WAPL: variants seen among roughly 807,000 people sequenced by gnomAD.
The protein encoded by WAPL is WAPL cohesin release factor, also known as wings apart-like protein homolog.
A neutral mutation model predicts 121.0 loss-of-function variants in WAPL; 5 were observed. The ratio of observed to expected loss-of-function variants is 0.04; its 90% CI spans 0.02 to 0.09. The LOEUF (loss-of-function observed/expected upper bound fraction) is 0.09, where lower values mean the gene tolerates loss of function less well. Among genes scored for constraint, WAPL ranks in the 10% least tolerant of loss-of-function variants. The pLI, the probability that WAPL is intolerant of heterozygous loss-of-function variation, is 1.00. For missense variants in WAPL, 999 were observed against 1,410.8 expected (o/e 0.71, Z 4.68); for synonymous variants, 480 against 481.5 (o/e 1.00, Z 0.04).
intron 17 of WAPL, 104 bp downstream of exon 17, chr10:86,443,171 G>T (rs1589489484): frequency 1.2e-6 from 1 of 857,194 alleles, no homozygotes. Context: ...GGACATTAAG[G>T]GGGAAACACT....
chr10:86,510,068 CTTTTT>C (rs11323475), intron 2 of WAPL, among the ~76,000 whole-genome samples: 58 of 57,238 alleles, frequency 1.0e-3, no homozygotes, highest in African/African-American at 3.9e-3. Flanking sequence ...TCCACCCGGC[CTTTTT>C]TTTTTTTTTT....
At chr10:86,455,697 G>GAAAAAAAAAAAAAAAAAAAAAAAAAAAA (rs1220963010) in intron 12 of WAPL, among the ~76,000 whole-genome samples, 4 of 131,334 alleles carry the variant, frequency 3.0e-5, no homozygotes, top group African/African-American at 5.7e-5. Flanking sequence ...AAAAAAAAAA[G>GAAAAAAAAAAAAAAAAAAAAAAAAAAAA]AAAGAAAGAA....
chr10:86,493,606 T>C (rs1422851741), intron 4 of WAPL, among the ~76,000 whole-genome samples: 1 of 152,150 alleles, frequency 6.6e-6, no homozygotes, highest in Non-Finnish European at 1.5e-5. Flanking sequence ...CATAGCTCAC[T>C]GCAGCCTTGA....
intron 4 of WAPL, among the ~76,000 whole-genome samples, chr10:86,487,349 C>A (rs987367246): frequency 5.3e-5 from 8 of 152,156 alleles, no homozygotes; most frequent in African/African-American, 1.9e-4. Flanking sequence ...GCTCAATGAT[C>A]AAAACCTTAC....
At chr10:86,503,917 G>A (rs1310642924) in intron 2 of WAPL, among the ~76,000 whole-genome samples, 1 of 152,130 alleles carries the variant, frequency 6.6e-6, no homozygotes, top group Non-Finnish European at 1.5e-5. Context: ...GGCCTATAAT[G>A]CCGGCTCTTT....
At chr10:86,493,832 C>A (rs1842096884) in intron 4 of WAPL, among the ~76,000 whole-genome samples, 2 of 152,014 alleles carry the variant, frequency 1.3e-5, no homozygotes, top group African/African-American at 4.8e-5. Flanking sequence ...TGAGACCCTC[C>A]CTCTACTAAA....
rs1014291057 is a variant in WAPL at position 86,464,992 on chromosome 10, C to T, written c.2370+2287G>A. 7.9e-5 allele frequency among the ~76,000 whole-genome samples: 12 copies of T among 152,188 alleles called. No individual in the cohort carries two copies. In the East Asian group the frequency reaches 2.1e-3, roughly 27 times the overall value. On this transcript the variant is annotated intron_variant, in intron 9 of 18. Transcript: ENST00000298767. Reference sequence around the variant, plus strand: ...GAATACATGTCAGTTTTGTATCTTGCTGTTTAAAGTTAAATTGCTCTCCCA... The same window carrying T: ...GAATACATGTCAGTTTTGTATCTTGTTGTTTAAAGTTAAATTGCTCTCCCA...
rs2289738 is a variant in WAPL at position 86,521,587 on chromosome 10, C to G, written c.-245G>C. The G allele has an allele frequency of 0.31, 134,897 of 440,134 alleles. 23,106 individuals carry two copies. Among genetic ancestry groups the G allele is most frequent in the South Asian group, 0.45 (26,972 of 60,520 alleles). The allele number at this position is 440,134 out of a possible 1,614,324, so 27.3% of individuals were successfully genotyped here. A position where few individuals can be genotyped will look rare whatever the true frequency, so the allele number is the denominator to read the frequency against. On this transcript the variant is annotated 5_prime_UTR_variant, in exon 1 of 19. Coordinates refer to ENST00000298767, the MANE Select transcript of WAPL (RefSeq NM_015045.5). ...CCGCCTCGAGCGCCGCCGGCCGGGC[C>G]CAGGCCTAGCTCTCGCTGGCCGCCA...
intron 4 of WAPL, among the ~76,000 whole-genome samples, chr10:86,482,709 C>A (rs530846090): frequency 2.2e-4 from 33 of 152,046 alleles, no homozygotes; most frequent in Non-Finnish European, 3.7e-4. Flanking sequence ...CAAATTTAGG[C>A]CCCAAATAAT....
At chr10:86,509,765 GTTTT>G (rs11307100) in intron 2 of WAPL, among the ~76,000 whole-genome samples, 2 of 117,676 alleles carry the variant, frequency 1.7e-5, no homozygotes, top group Middle Eastern at 4.0e-3. Context: ...AAGCTCTTTG[GTTTT>G]TTTTTTTTTT....
rs2288362 is a variant in WAPL, at chr10:86,471,117, G to A, written c.2031-14C>T. On this transcript the variant is annotated splice_polypyrimidine_tract_variant and intron_variant, in intron 7 of 18. Coordinates refer to ENST00000298767, the MANE Select transcript of WAPL (RefSeq NM_015045.5). ...AAGCTAATAACACTACAAGAAAATA[G>A]AGCAGGTTAGGGGGGCTGGAAACAG... 0.83 allele frequency: 1,336,996 copies of A among 1,611,398 alleles called. 558,988 individuals carry two copies. The highest frequency in any genetic ancestry group is 0.89 in the South Asian group (81,060 of 90,926).
chr10:86,474,406 T>C (rs913555202), intron 4 of WAPL, among the ~76,000 whole-genome samples: 1 of 151,668 alleles, frequency 6.6e-6, no homozygotes, highest in Admixed American at 6.6e-5. Flanking sequence ...TCCCAGCTAT[T>C]TGGGAGGCTG....
At chr10:86,458,922 T>C (rs1841210148) in intron 12 of WAPL, 67 bp downstream of exon 12, 2 of 1,343,296 alleles carry the variant, frequency 1.5e-6, no homozygotes, top group Non-Finnish European at 2.1e-6. Flanking sequence ...TTCTTTCATT[T>C]ATGGTCAATC....
At chr10:86,473,847 A>T in intron 5 of WAPL, 31 bp downstream of exon 5, 1 of 1,530,016 alleles carries the variant, frequency 6.5e-7, no homozygotes, top group Non-Finnish European at 9.0e-7. Flanking sequence ...CTTATTAAAA[A>T]ACACAAAATA....
intron 12 of WAPL, among the ~76,000 whole-genome samples, chr10:86,455,111 G>A (rs189807591): frequency 0.043 from 6,397 of 149,516 alleles, 226 homozygotes; most frequent in Non-Finnish European, 0.066. Context: ...AGGAGGTGGG[G>A]GGGTGCCTCT....
chr10:86,496,239 A>C (rs1842146552), intron 4 of WAPL, among the ~76,000 whole-genome samples: 1 of 152,226 alleles, frequency 6.6e-6, no homozygotes, highest in Non-Finnish European at 1.5e-5. Flanking sequence ...ATCAAACCAC[A>C]ATGAGATACC....
chr10:86,467,372 T>C lies in WAPL; in HGVS notation c.2277A>G (p.Leu759=). Reference sequence around the variant, plus strand: ...TTTTGTTCATGTCTTTTTCATTCAGTAGCTTGGCTGATGAAGCATCTTGTT... The same window carrying C: ...TTTTGTTCATGTCTTTTTCATTCAGCAGCTTGGCTGATGAAGCATCTTGTT... ...ELEQDASSAK[L]LNEKDMNKIK... The change falls in exon 9 of 19, where the codon CTA becomes CTG. Residue 759 remains leucine (L), a synonymous_variant. Transcript: ENST00000298767. 6.2e-7 allele frequency: 1 copy of C among 1,614,122 alleles called. No homozygotes were observed. Among genetic ancestry groups the C allele is most frequent in the Non-Finnish European group, 8.5e-7 (1 of 1,180,022 alleles).
intron 1 of WAPL, among the ~76,000 whole-genome samples, chr10:86,520,223 A>G (rs1317755337): frequency 6.6e-6 from 1 of 152,204 alleles, no homozygotes; most frequent in Non-Finnish European, 1.5e-5. Flanking sequence ...TGAACCTGGG[A>G]GGCGGAGGTT....
intron 12 of WAPL, among the ~76,000 whole-genome samples, chr10:86,457,050 A>G (rs1190078260): frequency 6.6e-6 from 1 of 152,202 alleles, no homozygotes; most frequent in African/African-American, 2.4e-5. Context: ...GAAGTATACA[A>G]AAGAGATATT....
Sources: gnomAD v4.1 joint callset for allele counts (sites outside exome capture counted in the v4.1 genomes callset) on GRCh38, gnomAD v4.1.1 for gene constraint, MANE v1.5 for transcripts, NCBI Gene and HGNC (gene_info 2026-07-23, HGNC 2026-07-21) for gene names.